The following FRMD6 variants were observed in gnomAD, a reference collection of about 807,000 sequenced individuals.
FRMD6 encodes the protein FERM domain-containing protein 6.
A neutral mutation model predicts 73.2 loss-of-function variants in FRMD6; 37 were observed. That is an observed-to-expected ratio of 0.51 (90% CI 0.39 to 0.66). The LOEUF is 0.66. Ranked by LOEUF, FRMD6 falls within the 30% of genes least tolerant of loss-of-function variation. The pLI is 0.00. For missense variants in FRMD6, 714 were observed against 780.5 expected, an observed-to-expected ratio of 0.91 and a Z score of 1.02; for synonymous variants, 273 against 282.2, an observed-to-expected ratio of 0.97 and a Z score of 0.33.
chr14:51,439,920 A>G, the FRMD6 span, among the ~76,000 whole-genome samples: 2 of 151,368 alleles, frequency 1.3e-5, no homozygotes, highest in East Asian at 3.9e-4. Context: ...GTAATTTTGT[A>G]TTTTTTTTTA....
chr14:51,432,013 T>C, the FRMD6 span, among the ~76,000 whole-genome samples: 7 of 152,326 alleles, frequency 4.6e-5, no homozygotes, highest in South Asian at 2.1e-4. Context: ...AGGAAGATAC[T>C]TCCTTATTTA....
intron 2 of FRMD6, among the ~76,000 whole-genome samples, chr14:51,695,303 T>G (rs1026705187): frequency 6.6e-6 from 1 of 152,206 alleles, no homozygotes; most frequent in African/African-American, 2.4e-5. Context: ...TCTTTATCAT[T>G]GTTTAAGTTT....
At chr14:51,701,475 T>C (rs1896309506) in intron 4 of FRMD6, among the ~76,000 whole-genome samples, 1 of 143,658 alleles carries the variant, frequency 7.0e-6, no homozygotes, top group Non-Finnish European at 1.5e-5. Context: ...CTAAAATGTA[T>C]ATATATATAT....
At chr14:51,428,249 C>G in the FRMD6 span, among the ~76,000 whole-genome samples, 1 of 152,068 alleles carries the variant, frequency 6.6e-6, no homozygotes, top group Non-Finnish European at 1.5e-5. Flanking sequence ...GGAGCCAATA[C>G]AAACTATCAG....
the FRMD6 span, among the ~76,000 whole-genome samples, chr14:51,452,964 T>C: frequency 6.6e-6 from 1 of 152,158 alleles, no homozygotes; most frequent in Admixed American, 6.5e-5. Context: ...CCAGGTTGCT[T>C]CCAGGGAGAA....
intron 9 of FRMD6, chr14:51,714,700 C>T (rs1456974041): frequency 1.3e-5 from 2 of 152,220 alleles, no homozygotes; most frequent in Admixed American, 1.3e-4. Context: ...TTTTCCATTT[C>T]TTCTAAACCC....
intron 2 of FRMD6, among the ~76,000 whole-genome samples, chr14:51,614,108 C>T (rs1890618743): frequency 6.6e-6 from 1 of 152,122 alleles, no homozygotes; most frequent in Non-Finnish European, 1.5e-5. Flanking sequence ...CTGAAAAATA[C>T]ACATGCACAC....
the FRMD6 span, among the ~76,000 whole-genome samples, chr14:51,415,223 T>A: frequency 6.6e-6 from 1 of 152,242 alleles, no homozygotes; most frequent in Non-Finnish European, 1.5e-5. Context: ...CATCCCTGTC[T>A]TGTGCCAGTT....
chr14:51,623,290 G>C (rs1890998816), intron 2 of FRMD6, among the ~76,000 whole-genome samples: 1 of 152,138 alleles, frequency 6.6e-6, no homozygotes, highest in African/African-American at 2.4e-5. Flanking sequence ...TTATCGCATT[G>C]GAGAATCTCC....
At chr14:51,479,030 G>A in the FRMD6 span, among the ~76,000 whole-genome samples, 126 of 152,288 alleles carry the variant, frequency 8.3e-4, no homozygotes, top group African/African-American at 2.6e-3. Flanking sequence ...AGAAGACCCA[G>A]GTGTTGGCCA....
intron 1 of FRMD6, among the ~76,000 whole-genome samples, chr14:51,492,074 A>T (rs1277309403): frequency 2.0e-5 from 3 of 152,198 alleles, no homozygotes; most frequent in African/African-American, 7.2e-5. Context: ...CTGCAGGAAC[A>T]TATGTTTGAC....
intron 1 of FRMD6, among the ~76,000 whole-genome samples, chr14:51,550,649 G>C (rs1886771107): frequency 6.6e-6 from 1 of 151,908 alleles, no homozygotes; most frequent in South Asian, 2.1e-4. Context: ...GGCAGAGGAA[G>C]GGCGGGATAG....
At chr14:51,560,933 T>C (rs540534581) in intron 1 of FRMD6, among the ~76,000 whole-genome samples, 20 of 152,238 alleles carry the variant, frequency 1.3e-4, no homozygotes, top group Non-Finnish European at 1.9e-4. Context: ...GAAAGTAATC[T>C]GATGTTTGCA....
chr14:51,711,098 A>C (rs1030792541), intron 7 of FRMD6, among the ~76,000 whole-genome samples: 1 of 152,218 alleles, frequency 6.6e-6, no homozygotes, highest in Non-Finnish European at 1.5e-5. Context: ...AGTCTTATGC[A>C]TCTCAGAATA....
At chr14:51,711,510 T>A in intron 7 of FRMD6, 21 bp from the exon 8 acceptor site, 1 of 1,517,378 alleles carries the variant, frequency 6.6e-7, no homozygotes, top group South Asian at 1.2e-5. Context: ...TTTAATTTTT[T>A]ATAAAATCCT....
At chr14:51,688,128 T>TG (rs779769621) in intron 1 of FRMD6, among the ~76,000 whole-genome samples, 141 of 151,512 alleles carry the variant, frequency 9.3e-4, no homozygotes, top group Middle Eastern at 3.4e-3. Flanking sequence ...TTTTTTTTTT[T>TG]CAAGATGGAT....
chr14:51,670,431 T>C (rs889667936), intron 1 of FRMD6, among the ~76,000 whole-genome samples: 1 of 152,200 alleles, frequency 6.6e-6, no homozygotes, highest in African/African-American at 2.4e-5. Context: ...CCAATGATAA[T>C]CAACTGTAGT....
At chr14:51,665,153 T>C (rs1176759757) in intron 1 of FRMD6, among the ~76,000 whole-genome samples, 1 of 152,174 alleles carries the variant, frequency 6.6e-6, no homozygotes, top group Non-Finnish European at 1.5e-5. Flanking sequence ...TAGAGAAATT[T>C]TACATTAAAA....
In FRMD6 at chr14:51,547,081, A is replaced by G. The variant is rs187537817; in HGVS notation, c.-209-23267A>G. Among the ~76,000 whole-genome samples the G allele has an allele frequency of 1.2e-4, 18 of 152,334 alleles. No homozygotes were observed. In the East Asian group the frequency reaches 3.5e-3, roughly 29 times the overall value. ...GTAGCACCAGGAAAAGTGAGAGGTC[A>G]AAACTCTGTGTGTTCTGTAATGGAC... On this transcript the variant is annotated intron_variant, in intron 1 of 14. Coordinates refer to the FRMD6 transcript ENST00000356218.
Sources: gnomAD v4.1 joint callset for allele counts (sites outside exome capture counted in the v4.1 genomes callset) on GRCh38, gnomAD v4.1.1 for gene constraint, MANE v1.5 for transcripts, NCBI Gene and HGNC (gene_info 2026-07-23, HGNC 2026-07-21) for gene names.